The following TRANK1 variants were observed in gnomAD, a reference collection of about 807,000 sequenced individuals.
The protein encoded by TRANK1 is TPR and ankyrin repeat-containing protein 1.
In TRANK1, 198 loss-of-function variants were observed where a neutral mutation model predicts 266.0. The observed-to-expected ratio is 0.74, with a 90% CI of 0.66 to 0.84. The LOEUF (loss-of-function observed/expected upper bound fraction) is 0.84. Among genes scored for constraint, TRANK1 ranks in the 40% least tolerant of loss-of-function variants. The pLI is 0.00. For synonymous variants in TRANK1, 1,396 were observed against 1,384.1 expected, an observed-to-expected ratio of 1.01 and a Z score of -0.19; for missense variants, 3,326 against 3,634.6, an observed-to-expected ratio of 0.92 and a Z score of 2.18.
At chr3:36,846,798 A>C (rs1163214116) in intron 16 of TRANK1, among the ~76,000 whole-genome samples, 1 of 152,236 alleles carries the variant, frequency 6.6e-6, no homozygotes, top group African/African-American at 2.4e-5. Context: ...TACTCAGTTT[A>C]TCCCAAAGAT....
At chr3:36,924,843 T>A (rs755683508) in intron 1 of TRANK1, among the ~76,000 whole-genome samples, 2 of 152,200 alleles carry the variant, frequency 1.3e-5, no homozygotes, top group Non-Finnish European at 2.9e-5. Context: ...AGGACTGCCC[T>A]GAGAGCCAAA....
Position 36,879,771 on chromosome 3 carries a change from AAT to A in TRANK1, c.908-5477_908-5476del, listed in dbSNP as rs377616725. 2.6e-3 allele frequency among the ~76,000 whole-genome samples: 239 copies of A among 92,034 alleles called. 47 individuals are homozygous for A. Among genetic ancestry groups the A allele is most frequent in the Middle Eastern group, 0.011 (1 of 94 alleles). 60.4% of individuals were successfully genotyped at this position (92,034 alleles called of 152,430 possible). A position where few individuals can be genotyped will look rare whatever the true frequency, so the allele number is the denominator to read the frequency against. On this transcript the variant is annotated intron_variant, in intron 8 of 23. Coordinates refer to ENST00000645898, the MANE Select transcript of TRANK1 (RefSeq NM_001329998.2). ...ATATAAATATATATAAATATATATAAATATATATAAATATGTAAATATATAAA... is the reference window on the plus strand; with the variant it reads ...ATATAAATATATATAAATATATATAAATATATAAATATGTAAATATATAAA...
chr3:36,832,052 T>C lies in TRANK1; in HGVS notation c.7531A>G (p.Lys2511Glu). ...ATGGCTCTTGTCACGTCCTTGGGTT[T>C]GTATTCCTGAATGATGGAGAACACA... ...GDVFSIIQEY[K>E]PKDVTRAIQD... is the part of the protein sequence containing the mutation. Residue 2511 changes from lysine to glutamate, a missense_variant, in exon 22 of 24, where the codon AAA becomes GAA. Coordinates refer to ENST00000645898, the MANE Select transcript of TRANK1 (RefSeq NM_001329998.2). The C allele has an allele frequency of 6.2e-7, 1 of 1,614,056 alleles. No individual in the cohort carries two copies. The highest frequency in any genetic ancestry group is 8.5e-7 in the Non-Finnish European group (1 of 1,179,904).
rs1467507194 is a variant in TRANK1 at position 36,892,967 on chromosome 3, T to A, written c.570A>T (p.Ser190=). The A allele has an allele frequency of 2.0e-6, 3 of 1,513,376 alleles. No individual in the cohort carries two copies. In the African/African-American group the frequency reaches 4.2e-5, roughly 21 times the overall value. The allele number at this position is 1,513,376 out of a possible 1,614,324, so 93.7% of individuals were successfully genotyped here. The change falls in exon 6 of 24, where the codon TCA becomes TCT. Residue 190 remains serine (S), a synonymous_variant. Transcript: ENST00000645898. ...TTCTTGGTAATCGGTCTTTTTTTGC[T>A]GACAGAAGCAGAAATGACTGGTGGG... is the stretch of plus-strand genomic sequence containing the variant. ...KGLWHSFLLL[S]AKKDRLPRNI... is the part of the protein sequence containing the mutation.
At position 36,831,551 on chromosome 3, in the gene TRANK1, G is replaced by C. The variant is rs1335383462; in HGVS notation, c.8032C>G (p.Pro2678Ala). ...TCAGGTTCAGCAAAGTAGTCCACAG[G>C]GTCCAAACAGAGCAGGCGGTTTAGT... ...VRLNRLLCLD[P>A]VDYFAEPECE... The change falls in exon 22 of 24, where the codon CCT (proline) becomes GCT (alanine). Residue 2678 changes from proline (P) to alanine (A), a missense_variant. Physicochemically the swap from Pro to Ala is conservative, Grantham distance 27 (BLOSUM62 -1). Transcript: ENST00000645898. The surrounding 1 kb of genome is among the most constrained non-coding windows in gnomAD (Gnocchi z 5.0). 4 of 1,613,412 alleles carry C rather than the reference G, an allele frequency of 2.5e-6. No homozygotes were observed. Among genetic ancestry groups the C allele is most frequent in the Non-Finnish European group, 3.4e-6 (4 of 1,179,646 alleles).
At chr3:36,860,400 C>G (rs1381667098) in intron 11 of TRANK1, among the ~76,000 whole-genome samples, 1 of 152,192 alleles carries the variant, frequency 6.6e-6, no homozygotes, top group African/African-American at 2.4e-5. Context: ...CAGACACACA[C>G]CCAGCCACGC....
At chr3:36,868,082 T>A (rs1366703961) in intron 9 of TRANK1, among the ~76,000 whole-genome samples, 1 of 152,244 alleles carries the variant, frequency 6.6e-6, no homozygotes, top group Non-Finnish European at 1.5e-5. Flanking sequence ...CTTGGCTCCC[T>A]AAGCTGCCGG....
At chr3:36,870,962 TAAAAAAAA>T (rs563787088) in intron 9 of TRANK1, among the ~76,000 whole-genome samples, 46 of 65,104 alleles carry the variant, frequency 7.1e-4, no homozygotes, top group African/African-American at 2.6e-3. Flanking sequence ...ACAAGGAAAC[TAAAAAAAA>T]AAAAAAAAAA....
intron 4 of TRANK1, among the ~76,000 whole-genome samples, chr3:36,897,249 G>A (rs1025447081): frequency 6.6e-6 from 1 of 152,170 alleles, no homozygotes; most frequent in Non-Finnish European, 1.5e-5. Flanking sequence ...AGGTTGCAGT[G>A]AGCCTAGATT....
At chr3:36,933,324 T>C (rs1308888897) in intron 1 of TRANK1, among the ~76,000 whole-genome samples, 3 of 152,274 alleles carry the variant, frequency 2.0e-5, no homozygotes, top group South Asian at 4.1e-4. Context: ...TGTGCTGTCA[T>C]GGCGACTGGC....
Position 36,907,126 on chromosome 3 carries a change from A to T in TRANK1, c.155+1197T>A, listed in dbSNP as rs2079980466. 2.0e-5 allele frequency among the ~76,000 whole-genome samples: 3 copies of T among 152,174 alleles called. No homozygotes were observed. The South Asian group carries it at 6.2e-4, about 31-fold the overall frequency. The stretch of plus-strand genomic sequence containing the variant: ...TTTGGAAAATATACTTTAAAAATAC[A>T]ACATGTAATAGATTTACTGATATAT... On this transcript the variant is annotated intron_variant, in intron 2 of 23. Transcript: ENST00000645898.
chr3:36,837,315 A>G (rs534362349), intron 20 of TRANK1, among the ~76,000 whole-genome samples: 2 of 152,260 alleles, frequency 1.3e-5, no homozygotes, highest in South Asian at 4.2e-4. Flanking sequence ...ACATCCCATA[A>G]TAAACATGGA....
At chr3:36,892,860 T>TATAG (rs201189363) in intron 6 of TRANK1, 41 bp downstream of exon 6, 2 of 722,460 alleles carry the variant, frequency 2.8e-6, no homozygotes, top group African/African-American at 4.5e-5. Flanking sequence ...AACATATATA[T>TATAG]ATATATATAT....
chr3:36,833,470 A>G lies in TRANK1; in HGVS notation c.6113T>C (p.Val2038Ala). Residue 2038 changes from valine to alanine, a missense_variant, in exon 22 of 24, where the codon GTA becomes GCA. By Grantham distance (64) the Val-to-Ala change is moderately conservative. Coordinates refer to ENST00000645898, the MANE Select transcript of TRANK1 (RefSeq NM_001329998.2). Reference sequence around the variant, plus strand: ...GAGCTTCTGAAAGTCTCTCAGGATTACCCCTTGCAGGAAGTGGGCCTCCGC... The same window carrying G: ...GAGCTTCTGAAAGTCTCTCAGGATTGCCCCTTGCAGGAAGTGGGCCTCCGC... ...GIAEAHFLQG[V>A]ILRDFQKLRD... 3.7e-6 allele frequency: 6 copies of G among 1,613,820 alleles called. No homozygotes were observed. The highest frequency in any genetic ancestry group is 5.1e-6 in the Non-Finnish European group (6 of 1,179,812).
chr3:36,915,015 G>C (rs1261437832), intron 1 of TRANK1, among the ~76,000 whole-genome samples: 2 of 151,906 alleles, frequency 1.3e-5, no homozygotes, highest in Non-Finnish European at 2.9e-5. Context: ...GCAGTGGCCC[G>C]ATCTCCACTC....
intron 8 of TRANK1, among the ~76,000 whole-genome samples, chr3:36,883,246 A>G (rs1419178764): frequency 3.9e-5 from 6 of 152,044 alleles, no homozygotes; most frequent in African/African-American, 7.2e-5. Flanking sequence ...TTTGAGACCA[A>G]CCTGGAAAAC....
chr3:36,904,389 G>A (rs1268767893), intron 2 of TRANK1, among the ~76,000 whole-genome samples: 3 of 151,760 alleles, frequency 2.0e-5, no homozygotes, highest in Non-Finnish European at 4.4e-5. Context: ...GTGTGGTGGG[G>A]TGCACCTGTA....
chr3:36,834,126 T>A (rs898889890), intron 21 of TRANK1, among the ~76,000 whole-genome samples: 1 of 152,246 alleles, frequency 6.6e-6, no homozygotes, highest in Non-Finnish European at 1.5e-5. Context: ...AAATTCCTTA[T>A]GCTTCAATCA....
rs9818599 is a variant in TRANK1 at position 36,855,162 on chromosome 3, G to C, written c.4549+11C>G. The C allele has an allele frequency of 1, 1,598,028 of 1,598,904 alleles. 798,577 individuals carry two copies. Among genetic ancestry groups the C allele is most frequent in the East Asian group, 1 (44,612 of 44,612 alleles). On this transcript the variant is annotated intron_variant, in intron 13 of 23. Transcript: ENST00000645898. ...GCACCCCCAGTAGGCAAACCCAAGA[G>C]CTGGACTTACCTGAGTGGGACCTGT... is the stretch of plus-strand genomic sequence containing the variant.
Sources: gnomAD v4.1 joint callset for allele counts (sites outside exome capture counted in the v4.1 genomes callset) on GRCh38, gnomAD v4.1.1 for gene constraint, Gnocchi (gnomAD v3.1) non-coding constraint, MANE v1.5 for transcripts, NCBI Gene and HGNC (gene_info 2026-07-23, HGNC 2026-07-21) for gene names.